Variants in SNX18 observed in about 807,000 individuals in gnomAD.
SNX18 encodes the protein sorting nexin-18.
In SNX18, 35 loss-of-function variants were observed where a neutral mutation model predicts 48.7. The observed-to-expected ratio is 0.72, with a 90% CI of 0.55 to 0.95. The LOEUF is 0.95. Among genes scored for constraint, SNX18 ranks in the 40% least tolerant of loss-of-function variants. The pLI, the probability that SNX18 is intolerant of heterozygous loss-of-function variation, is 0.00. For missense variants in SNX18, 824 were observed against 871.0 expected, an observed-to-expected ratio of 0.95 and a Z score of 0.68; for synonymous variants, 492 against 384.7, an observed-to-expected ratio of 1.28 and a Z score of -3.26.
chr5:54,638,050 T>C, the SNX18 span, among the ~76,000 whole-genome samples: 1 of 151,930 alleles, frequency 6.6e-6, no homozygotes, highest in Non-Finnish European at 1.5e-5. Context: ...TGTACAAAAC[T>C]CATGTAATTG....
the SNX18 span, among the ~76,000 whole-genome samples, chr5:54,604,988 C>T: frequency 1.3e-5 from 2 of 152,036 alleles, no homozygotes; most frequent in African/African-American, 2.4e-5. Context: ...AGATCAAATA[C>T]CTGAAGGTAG....
the SNX18 span, among the ~76,000 whole-genome samples, chr5:54,627,070 G>C: frequency 6.6e-6 from 1 of 152,206 alleles, no homozygotes; most frequent in Admixed American, 6.5e-5. Flanking sequence ...TTCTCATAGA[G>C]CAATGTCCAT....
chr5:54,583,870 G>A, the SNX18 span, among the ~76,000 whole-genome samples: 5 of 152,040 alleles, frequency 3.3e-5, no homozygotes, highest in African/African-American at 1.2e-4. Flanking sequence ...TCACCCTGCC[G>A]GGTGTTCCAG....
the SNX18 span, among the ~76,000 whole-genome samples, chr5:54,607,070 T>C: frequency 2.0e-5 from 3 of 152,222 alleles, no homozygotes; most frequent in African/African-American, 7.2e-5. Context: ...GCATACAGTA[T>C]GCATTCTTTT....
chr5:54,573,823 A>G, the SNX18 span, among the ~76,000 whole-genome samples: 103 of 152,286 alleles, frequency 6.8e-4, no homozygotes, highest in African/African-American at 2.4e-3. Flanking sequence ...CATCTGGTAG[A>G]CTCAGTGCAG....
At chr5:54,640,282 CG>C in the SNX18 span, among the ~76,000 whole-genome samples, 1 of 151,570 alleles carries the variant, frequency 6.6e-6, no homozygotes, top group South Asian at 2.1e-4. Flanking sequence ...AGCTCTATCT[CG>C]GCTCACTGCA....
the SNX18 span, among the ~76,000 whole-genome samples, chr5:54,589,000 A>G: frequency 6.6e-6 from 1 of 152,198 alleles, no homozygotes; most frequent in Non-Finnish European, 1.5e-5. Flanking sequence ...GAGAAAAATA[A>G]ACTTCTATTG....
chr5:54,527,390 G>A (rs1043744980), intron 1 of SNX18, among the ~76,000 whole-genome samples: 3 of 151,744 alleles, frequency 2.0e-5, no homozygotes, highest in Non-Finnish European at 4.4e-5. Context: ...GCTATATTTT[G>A]GAGGTAGAAT....
intron 1 of SNX18, among the ~76,000 whole-genome samples, chr5:54,528,543 C>T (rs1437758321): frequency 6.6e-6 from 1 of 151,988 alleles, no homozygotes; most frequent in African/African-American, 2.4e-5. Context: ...AGGTGGAAAG[C>T]GCACTCCTGA....
At chr5:54,633,242 C>T in the SNX18 span, among the ~76,000 whole-genome samples, 1 of 152,062 alleles carries the variant, frequency 6.6e-6, no homozygotes, top group Non-Finnish European at 1.5e-5. Context: ...TCAGTGAAAT[C>T]GTATCTCAAG....
the SNX18 span, among the ~76,000 whole-genome samples, chr5:54,568,142 C>A: frequency 1.3e-5 from 2 of 152,188 alleles, no homozygotes; most frequent in African/African-American, 4.8e-5. Context: ...CTTCTCCCCA[C>A]TTTCCCTTGG....
At chr5:54,583,044 T>C in the SNX18 span, among the ~76,000 whole-genome samples, 1 of 152,238 alleles carries the variant, frequency 6.6e-6, no homozygotes, top group Non-Finnish European at 1.5e-5. Flanking sequence ...TAGTCCTTCA[T>C]TGGAAATGTC....
chr5:54,543,494 ACTG>A lies in SNX18; in HGVS notation c.*66_*68del. On this transcript the variant is annotated 3_prime_UTR_variant, in exon 2 of 2. Coordinates refer to ENST00000381410, the MANE Select transcript of SNX18 (RefSeq NM_001102575.2). Reference sequence around the variant, plus strand: ...GGATAATTTCTACAGCAGAATAAAAACTGCTGTCAAAGAGCTATTGCCAGCTAT... The same window carrying A: ...GGATAATTTCTACAGCAGAATAAAAACTGTCAAAGAGCTATTGCCAGCTAT... The A allele has an allele frequency of 6.4e-7, 1 of 1,566,282 alleles. No homozygotes were observed. The highest frequency in any genetic ancestry group is 1.8e-5 in the Admixed American group (1 of 56,212).
chr5:54,547,785 C>G (rs1191620589), downstream of SNX18, among the ~76,000 whole-genome samples: 1 of 152,176 alleles, frequency 6.6e-6, no homozygotes, highest in Non-Finnish European at 1.5e-5. Flanking sequence ...GAAGCACATT[C>G]CAGTTGCCAT....
chr5:54,569,918 T>C, the SNX18 span, among the ~76,000 whole-genome samples: 1 of 152,152 alleles, frequency 6.6e-6, no homozygotes, highest in Non-Finnish European at 1.5e-5. Context: ...GACTTTCAAC[T>C]GTGTTTTAAA....
intron 1 of SNX18, among the ~76,000 whole-genome samples, chr5:54,542,209 C>G (rs1172019332): frequency 1.3e-5 from 2 of 152,186 alleles, no homozygotes; most frequent in Non-Finnish European, 2.9e-5. Flanking sequence ...TAAACATCCT[C>G]AAACTTTTGT....
chr5:54,530,928 T>C (rs1477104717), intron 1 of SNX18, among the ~76,000 whole-genome samples: 1 of 151,686 alleles, frequency 6.6e-6, no homozygotes, highest in African/African-American at 2.4e-5. Flanking sequence ...ATTTTTTGTA[T>C]TTTTAGTAGA....
chr5:54,568,066 C>A, the SNX18 span, among the ~76,000 whole-genome samples: 1 of 152,162 alleles, frequency 6.6e-6, no homozygotes, highest in Non-Finnish European at 1.5e-5. Flanking sequence ...ACCCTTGGCT[C>A]TATTCAAACA....
chr5:54,617,091 A>G, the SNX18 span, among the ~76,000 whole-genome samples: 16 of 152,200 alleles, frequency 1.1e-4, no homozygotes, highest in African/African-American at 3.6e-4. Flanking sequence ...AGAGTAAACA[A>G]CTTCGTCAAA....
Sources: gnomAD v4.1 joint callset for allele counts (sites outside exome capture counted in the v4.1 genomes callset) on GRCh38, gnomAD v4.1.1 for gene constraint, MANE v1.5 for transcripts, NCBI Gene and HGNC (gene_info 2026-07-23, HGNC 2026-07-21) for gene names.